ARHGAP12: variants seen among roughly 807,000 people sequenced by gnomAD.
ARHGAP12 encodes the protein rho GTPase-activating protein 12.
A neutral mutation model predicts 108.6 loss-of-function variants in ARHGAP12; 64 were observed. That is an observed-to-expected ratio of 0.59 (90% CI 0.48 to 0.73). The LOEUF (loss-of-function observed/expected upper bound fraction) is 0.73, where lower values mean the gene tolerates loss of function less well. ARHGAP12 is among the 30% of genes least tolerant of loss of function. ARHGAP12 has a pLI of 0.00. For synonymous variants in ARHGAP12, 312 were observed against 337.2 expected (o/e 0.93, Z 0.82); for missense variants, 940 against 1,005.9 (o/e 0.93, Z 0.89).
chr10:31,841,481 T>C (rs535593814), intron 7 of ARHGAP12, among the ~76,000 whole-genome samples: 98 of 152,222 alleles, frequency 6.4e-4, no homozygotes, highest in African/African-American at 2.3e-3. Context: ...AATATGACAC[T>C]CTCTCATGAT....
Position 31,808,530 on chromosome 10 carries a change from A to G in ARHGAP12, c.2366+119T>C, listed in dbSNP as rs1165941546. Reference sequence around the variant, plus strand: ...AGGAGTTGAGTAACTTTTTCAAGTTACAAAGACAGCAAGTAGCATAGCTGG... The same window carrying G: ...AGGAGTTGAGTAACTTTTTCAAGTTGCAAAGACAGCAAGTAGCATAGCTGG... On this transcript the variant is annotated intron_variant, in intron 19 of 19. Coordinates refer to ENST00000344936, the MANE Select transcript of ARHGAP12 (RefSeq NM_018287.7). 6.1e-6 allele frequency: 5 copies of G among 816,366 alleles called. No homozygotes were observed. The Admixed American group carries it at 7.5e-5, about 12-fold the overall frequency. 50.6% of individuals were successfully genotyped at this position (816,366 alleles called of 1,614,324 possible).
intron 3 of ARHGAP12, among the ~76,000 whole-genome samples, chr10:31,869,982 C>T (rs530564847): frequency 2.6e-5 from 4 of 152,184 alleles, no homozygotes; most frequent in Non-Finnish European, 5.9e-5. Flanking sequence ...GGGTATCTAC[C>T]TTACTAAAAG....
intron 9 of ARHGAP12, among the ~76,000 whole-genome samples, chr10:31,837,454 A>G (rs190623052): frequency 6.6e-6 from 1 of 152,374 alleles, no homozygotes; most frequent in Admixed American, 6.5e-5. Flanking sequence ...TAGGGAGACT[A>G]GAAGTACATA....
intron 14 of ARHGAP12, 26 bp from the exon 15 acceptor site, chr10:31,812,849 G>A: frequency 7.4e-7 from 1 of 1,359,760 alleles, no homozygotes; most frequent in Non-Finnish European, 1.0e-6. Flanking sequence ...CAGGTAATGA[G>A]CATTTGTAAA....
intron 1 of ARHGAP12, among the ~76,000 whole-genome samples, chr10:31,923,080 G>A (rs1375078468): frequency 7.3e-6 from 1 of 136,184 alleles, no homozygotes; most frequent in Non-Finnish European, 1.5e-5. Context: ...GCAGTGAACT[G>A]TGAACATGCC....
At chr10:31,906,085 T>C (rs1475957620) in intron 3 of ARHGAP12, among the ~76,000 whole-genome samples, 1 of 152,080 alleles carries the variant, frequency 6.6e-6, no homozygotes, top group Non-Finnish European at 1.5e-5. Context: ...CTCTGCTCCA[T>C]CTGAAGAAAA....
At chr10:31,848,160 C>T (rs1042865407) in intron 6 of ARHGAP12, among the ~76,000 whole-genome samples, 1 of 152,124 alleles carries the variant, frequency 6.6e-6, no homozygotes, top group African/African-American at 2.4e-5. Context: ...GAAAGCAAGC[C>T]ACACAGCTGA....
intron 3 of ARHGAP12, among the ~76,000 whole-genome samples, chr10:31,887,534 G>T (rs1255297194): frequency 6.6e-6 from 1 of 152,088 alleles, no homozygotes; most frequent in African/African-American, 2.4e-5. Context: ...TGTTGTCAAA[G>T]GGTTGTTTGG....
intron 13 of ARHGAP12, among the ~76,000 whole-genome samples, chr10:31,814,922 A>G (rs1835146072): frequency 1.3e-5 from 2 of 152,096 alleles, no homozygotes; most frequent in Admixed American, 6.6e-5. Context: ...GATTGAGACC[A>G]GCCTGGCCAA....
At chr10:31,828,652 G>T (rs1835715396) in intron 10 of ARHGAP12, among the ~76,000 whole-genome samples, 1 of 151,960 alleles carries the variant, frequency 6.6e-6, no homozygotes, top group African/African-American at 2.4e-5. Flanking sequence ...TTGCCTCAAG[G>T]ACTAAGCACT....
At chr10:31,914,347 T>C (rs926227784) in intron 1 of ARHGAP12, among the ~76,000 whole-genome samples, 4 of 152,106 alleles carry the variant, frequency 2.6e-5, no homozygotes, top group Non-Finnish European at 5.9e-5. Flanking sequence ...GACTGTTTTA[T>C]ATGGTGAGAG....
chr10:31,818,741 G>A (rs1835300565), intron 12 of ARHGAP12, among the ~76,000 whole-genome samples: 1 of 152,054 alleles, frequency 6.6e-6, no homozygotes, highest in African/African-American at 2.4e-5. Context: ...GGAAAATACT[G>A]GATTGAAGAA....
intron 3 of ARHGAP12, among the ~76,000 whole-genome samples, chr10:31,888,438 G>A (rs893094654): frequency 6.6e-6 from 1 of 152,206 alleles, no homozygotes; most frequent in African/African-American, 2.4e-5. Flanking sequence ...TAAAAACTAA[G>A]AATGTGATCC....
intron 3 of ARHGAP12, among the ~76,000 whole-genome samples, chr10:31,887,685 T>C (rs1387579836): frequency 7.2e-6 from 1 of 138,162 alleles, no homozygotes; most frequent in Non-Finnish European, 1.5e-5. Flanking sequence ...TGAGATGGAG[T>C]CTCGCTTTGT....
At chr10:31,866,824 G>T (rs1296196719) in intron 3 of ARHGAP12, among the ~76,000 whole-genome samples, 1 of 151,904 alleles carries the variant, frequency 6.6e-6, no homozygotes, top group Non-Finnish European at 1.5e-5. Context: ...TCCATGTTGG[G>T]TCAGGCTGGT....
intron 3 of ARHGAP12, among the ~76,000 whole-genome samples, chr10:31,905,176 A>G (rs769435852): frequency 2.0e-5 from 3 of 152,224 alleles, no homozygotes; most frequent in African/African-American, 4.8e-5. Context: ...TATGCTTGAA[A>G]AAAAAATTAT....
At chr10:31,817,410 T>C (rs1219232098) in intron 13 of ARHGAP12, among the ~76,000 whole-genome samples, 1 of 152,192 alleles carries the variant, frequency 6.6e-6, no homozygotes, top group African/African-American at 2.4e-5. Flanking sequence ...ATGAAGAGAC[T>C]ACAGCTTCTT....
At chr10:31,910,952 G>T (rs952747277) in intron 1 of ARHGAP12, among the ~76,000 whole-genome samples, 1 of 152,126 alleles carries the variant, frequency 6.6e-6, no homozygotes, top group South Asian at 2.1e-4. Context: ...GAATAAAAAC[G>T]TATGTTAAAA....
At position 31,829,666 on chromosome 10, in the gene ARHGAP12, T is replaced by C. The variant is rs549823981; in HGVS notation, c.1448+2073A>G. ...GAGCAAAGTTAGTGAACTAGTATTT[T>C]ACAAATGACCTACAAGATATTATAA... On this transcript the variant is annotated intron_variant, in intron 10 of 19. Coordinates refer to ENST00000344936, the MANE Select transcript of ARHGAP12 (RefSeq NM_018287.7). 2.1e-4 allele frequency among the ~76,000 whole-genome samples: 32 copies of C among 152,324 alleles called. No homozygotes were observed. In the East Asian group the frequency reaches 4.2e-3, roughly 20 times the overall value.
Sources: gnomAD v4.1 joint callset for allele counts (sites outside exome capture counted in the v4.1 genomes callset) on GRCh38, gnomAD v4.1.1 for gene constraint, MANE v1.5 for transcripts, NCBI Gene and HGNC (gene_info 2026-07-23, HGNC 2026-07-21) for gene names.